SELP: variants seen among roughly 807,000 people sequenced by gnomAD.
SELP encodes P-selectin.
Under a neutral mutation model 104.1 loss-of-function variants are expected in SELP, and 92 were observed. The observed-to-expected ratio is 0.88, with a 90% CI of 0.75 to 1.05. The LOEUF is 1.05. SELP is among the 50% of genes least tolerant of loss of function. The pLI, the probability that SELP is intolerant of heterozygous loss-of-function variation, is 0.00. For synonymous variants in SELP, 397 were observed against 364.5 expected (o/e 1.09, Z -1.01); for missense variants, 1,022 against 1,017.3 (o/e 1.00, Z -0.06).
intron 11 of SELP, 135 bp downstream of exon 11, chr1:169,596,856 C>A: frequency 1.5e-6 from 1 of 667,166 alleles, no homozygotes. Flanking sequence ...TTTTAAAATC[C>A]TTCAGCTGTT....
At position 169,630,077 on chromosome 1, in the gene SELP, CCT is replaced by C; in HGVS notation, c.-5_-4del. 6.2e-7 allele frequency: 1 copy of C among 1,614,212 alleles called. No homozygotes were observed. The highest frequency in any genetic ancestry group is 8.5e-7 in the Non-Finnish European group (1 of 1,180,018). On this transcript the variant is annotated 5_prime_UTR_variant, in exon 1 of 17. Coordinates refer to ENST00000263686, the MANE Select transcript of SELP (RefSeq NM_003005.4). ...GCAGAAAAAAATAAACTCACCATCT[CCT>C]CTGTGACTCTGCTGGTTTTCTGCCT...
chr1:169,629,749 G>A (rs1461539617), intron 1 of SELP, among the ~76,000 whole-genome samples: 2 of 152,164 alleles, frequency 1.3e-5, no homozygotes, highest in South Asian at 2.1e-4. Flanking sequence ...CTAGTAGGAG[G>A]AACAGCAGCT....
chr1:169,595,069 A>C (rs1000474664), intron 12 of SELP, among the ~76,000 whole-genome samples, 192 bp from the exon 13 acceptor site: 4 of 152,212 alleles, frequency 2.6e-5, no homozygotes, highest in African/African-American at 9.7e-5. Context: ...TCGAAGGGTG[A>C]TATCCAAAGA....
rs541825985 is a variant in SELP at position 169,624,802 on chromosome 1, A to G, written c.3+5270T>C. Among the ~76,000 whole-genome samples, 5 of 152,290 alleles carry G rather than the reference A, an allele frequency of 3.3e-5. No individual in the cohort carries two copies. The South Asian group carries it at 6.2e-4, about 19-fold the overall frequency. On this transcript the variant is annotated intron_variant, in intron 1 of 16. Transcript: ENST00000263686. ...GATTGCAGGGTGAAGAGAAAAGCAG[A>G]GAGAAAGTGGAAGAAGCAAATGCCT...
intron 1 of SELP, among the ~76,000 whole-genome samples, chr1:169,629,528 T>C (rs1663533365): frequency 6.6e-6 from 1 of 152,228 alleles, no homozygotes; most frequent in Non-Finnish European, 1.5e-5. Context: ...AAGGAAACTA[T>C]GTGGATATTC....
intron 11 of SELP, among the ~76,000 whole-genome samples, chr1:169,596,471 C>T (rs1661618567): frequency 6.6e-6 from 1 of 152,224 alleles, no homozygotes; most frequent in African/African-American, 2.4e-5. Context: ...ACTGCCTGCC[C>T]AACCCTGCCT....
chr1:169,627,301 G>T (rs1229622727), intron 1 of SELP, among the ~76,000 whole-genome samples: 1 of 152,096 alleles, frequency 6.6e-6, no homozygotes, highest in Non-Finnish European at 1.5e-5. Flanking sequence ...GAGAAAAGAG[G>T]TTGTCTCTAA....
In SELP at chr1:169,617,403, GGTTT is replaced by G. The variant is rs762894672; in HGVS notation, c.102_105del (p.Asn35ArgfsTer32). 6.2e-7 allele frequency: 1 copy of G among 1,613,782 alleles called. No individual in the cohort carries two copies. Among genetic ancestry groups the G allele is most frequent in the Admixed American group, 1.7e-5 (1 of 59,998 alleles). On this transcript the variant is annotated frameshift_variant, in exon 3 of 17. Transcript: ENST00000263686. LOFTEE classifies it high-confidence loss of function. ...TAAGTCCATGCTGCCACTTCTTTCT[GGTTT>G]GTTAGTTCTAGAGTAAAGGAGAGTG...
rs1661230879 is a variant in SELP at position 169,589,272 on chromosome 1, C to G, written c.*191G>C. On this transcript the variant is annotated 3_prime_UTR_variant, in exon 17 of 17. Coordinates refer to ENST00000263686, the MANE Select transcript of SELP (RefSeq NM_003005.4). ...AGAGACTACTGCAGAAACATTTGCT[C>G]CTGGCTTCTGTGGCTTGTGTTACAG... 6.6e-6 allele frequency: 1 copy of G among 152,142 alleles called. No individual in the cohort carries two copies. The highest frequency in any genetic ancestry group is 2.4e-5 in the African/African-American group (1 of 41,410). 9.4% of individuals were successfully genotyped at this position (152,142 alleles called of 1,614,324 possible).
chr1:169,619,058 A>G (rs769997680), intron 2 of SELP, 71 bp downstream of exon 2: 6 of 1,287,666 alleles, frequency 4.7e-6, no homozygotes, highest in Admixed American at 4.0e-5. Context: ...CAATCCTTAA[A>G]TTTCTCACAC....
intron 13 of SELP, among the ~76,000 whole-genome samples, chr1:169,594,305 G>A (rs958071125): frequency 2.6e-5 from 4 of 152,154 alleles, no homozygotes; most frequent in African/African-American, 7.2e-5. Flanking sequence ...ATTTAATTAA[G>A]GAAGATCTGC....
chr1:169,597,819 A>G (rs1329577436), intron 10 of SELP, among the ~76,000 whole-genome samples: 2 of 152,160 alleles, frequency 1.3e-5, no homozygotes. Context: ...TTCTTGGCTC[A>G]CATTCCCCTG....
chr1:169,590,088 G>A (rs3917853), intron 16 of SELP, 59 bp downstream of exon 16: 94,566 of 1,144,264 alleles, frequency 0.083, 4,800 homozygotes, highest in African/African-American at 0.18. Context: ...AAGCTTTATA[G>A]TCTTCCATTT....
intron 10 of SELP, among the ~76,000 whole-genome samples, chr1:169,599,835 A>C (rs892168532): frequency 6.6e-6 from 1 of 152,166 alleles, no homozygotes; most frequent in African/African-American, 2.4e-5. Flanking sequence ...AAGCAGGCAC[A>C]TGGCAGAAGA....
rs772312241 is a variant in SELP at position 169,596,030 on chromosome 1, T to A, written c.1996A>T (p.Thr666Ser). 6.2e-7 allele frequency: 1 copy of A among 1,613,876 alleles called. No homozygotes were observed. The highest frequency in any genetic ancestry group is 1.1e-5 in the South Asian group (1 of 91,074). The change falls in exon 12 of 17, where the codon ACC becomes TCC. Residue 666 changes from threonine (T) to serine (S), a missense_variant. By Grantham distance (58) the Thr-to-Ser change is moderately conservative. Coordinates refer to ENST00000263686, the MANE Select transcript of SELP (RefSeq NM_003005.4). ...RHHPGTFGFNTTCYFGCNAGF... is the reference protein window; with the variant it reads ...RHHPGTFGFNSTCYFGCNAGF... ...GCGTTGCAGCCAAAGTAACAAGTGG[T>A]ATTAAAACCAAAGGTTCCCGGATGA...
At chr1:169,614,100 G>A (rs1343314592) in intron 3 of SELP, among the ~76,000 whole-genome samples, 1 of 152,210 alleles carries the variant, frequency 6.6e-6, no homozygotes, top group Non-Finnish European at 1.5e-5. Context: ...TGTGGGGCGT[G>A]GGGTCACACA....
intron 14 of SELP, among the ~76,000 whole-genome samples, chr1:169,592,326 A>C (rs1309679558): frequency 3.9e-5 from 6 of 152,244 alleles, no homozygotes; most frequent in African/African-American, 1.2e-4. Context: ...AAATGGAGAA[A>C]GAATAAGAGT....
At chr1:169,629,546 G>A (rs1238734198) in intron 1 of SELP, among the ~76,000 whole-genome samples, 1 of 152,250 alleles carries the variant, frequency 6.6e-6, no homozygotes, top group Non-Finnish European at 1.5e-5. Flanking sequence ...TTCCAGATCA[G>A]TCCCAGAAGA....
chr1:169,614,106 A>C (rs981653718), intron 3 of SELP, among the ~76,000 whole-genome samples: 9 of 152,214 alleles, frequency 5.9e-5, no homozygotes, highest in Admixed American at 1.3e-4. Context: ...GCGTGGGGTC[A>C]CACAGGTGTG....
Sources: gnomAD v4.1 joint callset for allele counts (sites outside exome capture counted in the v4.1 genomes callset) on GRCh38, gnomAD v4.1.1 for gene constraint, MANE v1.5 for transcripts, NCBI Gene and HGNC (gene_info 2026-07-23, HGNC 2026-07-21) for gene names.